Variants in C14orf132 observed in about 807,000 individuals in gnomAD.
C14orf132 encodes chromosome 14 open reading frame 132, also known as uncharacterized protein C14orf132.
A neutral mutation model predicts 5.8 loss-of-function variants in C14orf132; 6 were observed. The ratio of observed to expected loss-of-function variants is 1.03; its 90% CI spans 0.57 to 2.04. C14orf132 has a LOEUF of 2.04. Ranked by LOEUF, C14orf132 falls within the 30% of genes most tolerant of loss-of-function variation. The pLI, the probability that C14orf132 is intolerant of heterozygous loss-of-function variation, is 0.00. For synonymous variants in C14orf132, 51 were observed against 49.8 expected (o/e 1.02, Z -0.10); for missense variants, 125 against 115.8 (o/e 1.08, Z -0.37).
At chr14:96,077,924 G>A (rs1267267094) in intron 1 of C14orf132, among the ~76,000 whole-genome samples, 1 of 152,240 alleles carries the variant, frequency 6.6e-6, no homozygotes, top group Non-Finnish European at 1.5e-5. Flanking sequence ...GCAGTTTGGG[G>A]TGAGCCCAAA....
At chr14:96,073,604 C>T (rs900695444) in intron 1 of C14orf132, among the ~76,000 whole-genome samples, 1 of 152,166 alleles carries the variant, frequency 6.6e-6, no homozygotes, top group African/African-American at 2.4e-5. Flanking sequence ...ATTAGCTCAA[C>T]CGTTTTGGAA....
At chr14:96,084,428 T>C (rs907232845) in intron 1 of C14orf132, among the ~76,000 whole-genome samples, 1 of 152,130 alleles carries the variant, frequency 6.6e-6, no homozygotes, top group East Asian at 1.9e-4. Context: ...CCTTCTGTTG[T>C]GGACAGGTTG....
intron 1 of C14orf132, among the ~76,000 whole-genome samples, chr14:96,042,623 T>C (rs1221560261): frequency 6.6e-6 from 1 of 152,226 alleles, no homozygotes; most frequent in Non-Finnish European, 1.5e-5. Context: ...AAGCATTAAA[T>C]AGATATCCTC....
chr14:96,078,932 C>A (rs954045071), intron 1 of C14orf132, among the ~76,000 whole-genome samples: 1 of 152,252 alleles, frequency 6.6e-6, no homozygotes, highest in Non-Finnish European at 1.5e-5. Context: ...TGTGGGGCTT[C>A]AGCCCTCCCC....
At chr14:96,054,670 C>G (rs1645629364) in intron 1 of C14orf132, among the ~76,000 whole-genome samples, 1 of 152,204 alleles carries the variant, frequency 6.6e-6, no homozygotes. Flanking sequence ...GTATATCCCC[C>G]TCCGCATCAT....
intron 1 of C14orf132, among the ~76,000 whole-genome samples, chr14:96,059,931 C>G (rs949322182): frequency 2.0e-5 from 3 of 152,212 alleles, no homozygotes; most frequent in African/African-American, 7.2e-5. Flanking sequence ...GGCCTGGGCC[C>G]GAAATGCATC....
rs140094214 is a variant in C14orf132 at position 96,061,459 on chromosome 14, G to A, written c.27+21932G>A. 2.4e-3 allele frequency among the ~76,000 whole-genome samples: 372 copies of A among 152,264 alleles called. 5 individuals carry two copies. The highest frequency in any genetic ancestry group is 8.5e-3 in the African/African-American group (355 of 41,542). On this transcript the variant is annotated intron_variant, in intron 1 of 1. Transcript: ENST00000555004. ...ACTGTGTGTGTGACAAACAGCAAAC[G>A]TGGCTGCCTGGAGAGCCCACCACCA...
chr14:96,079,840 T>C (rs1358938657), intron 1 of C14orf132, among the ~76,000 whole-genome samples: 1 of 152,210 alleles, frequency 6.6e-6, no homozygotes, highest in East Asian at 1.9e-4. Context: ...TTGTACAAAT[T>C]CTGAAATTGC....
chr14:96,067,445 T>C (rs1421663356), intron 1 of C14orf132, among the ~76,000 whole-genome samples: 1 of 151,908 alleles, frequency 6.6e-6, no homozygotes, highest in African/African-American at 2.4e-5. Context: ...CTCTAAAAAT[T>C]AGTGTGCACT....
Position 96,073,829 on chromosome 14 carries a change from C to T in C14orf132, c.28-12682C>T, listed in dbSNP as rs146358677. Among the ~76,000 whole-genome samples the T allele has an allele frequency of 2.3e-3, 357 of 152,270 alleles. 6 individuals carry two copies. The East Asian group carries it at 0.038, about 16-fold the overall frequency. On this transcript the variant is annotated intron_variant, in intron 1 of 1. Coordinates refer to ENST00000555004, the MANE Select transcript of C14orf132 (RefSeq NM_001252507.3). The stretch of plus-strand genomic sequence containing the variant: ...ATAGACTGGATAAAAAAATGTGGTA[C>T]ATATATGCCATGGAATACTACACAG...
intron 1 of C14orf132, among the ~76,000 whole-genome samples, chr14:96,049,281 T>C (rs1050567821): frequency 6.6e-6 from 1 of 152,048 alleles, no homozygotes; most frequent in Non-Finnish European, 1.5e-5. Flanking sequence ...AGAGCCTATT[T>C]TAAAATCCAA....
chr14:96,079,099 C>T (rs755850199), intron 1 of C14orf132, among the ~76,000 whole-genome samples: 7 of 152,212 alleles, frequency 4.6e-5, no homozygotes, highest in African/African-American at 1.4e-4. Context: ...CACCTTGAGA[C>T]AGCAGGTCCA....
chr14:96,075,325 T>C (rs557492789), intron 1 of C14orf132, among the ~76,000 whole-genome samples: 2 of 152,332 alleles, frequency 1.3e-5, no homozygotes, highest in South Asian at 4.1e-4. Context: ...ATTTTCTGTA[T>C]AGACAATCAT....
rs551755828 is a variant in C14orf132, at chr14:96,062,293, G to A, written c.27+22766G>A. 2.0e-5 allele frequency among the ~76,000 whole-genome samples: 3 copies of A among 152,324 alleles called. No individual in the cohort carries two copies. In the South Asian group the frequency reaches 6.2e-4, roughly 32 times the overall value. On this transcript the variant is annotated intron_variant, in intron 1 of 1. Transcript: ENST00000555004. ...ATGGGCTTGGAGTGAAGGACTGGAT[G>A]TGTGGCTATGCTACCAGAGAGAGAG...
intron 1 of C14orf132, among the ~76,000 whole-genome samples, chr14:96,049,451 C>T (rs1002008350): frequency 4.1e-5 from 6 of 147,872 alleles, no homozygotes; most frequent in Non-Finnish European, 7.4e-5. Flanking sequence ...CACCATTCTC[C>T]TGCCTCAGCT....
At chr14:96,072,969 G>A (rs957345399) in intron 1 of C14orf132, among the ~76,000 whole-genome samples, 6 of 152,196 alleles carry the variant, frequency 3.9e-5, no homozygotes, top group Admixed American at 3.9e-4. Context: ...GTGAACACCA[G>A]TTTTTATTCC....
At chr14:96,072,349 G>A (rs1887738182) in intron 1 of C14orf132, among the ~76,000 whole-genome samples, 1 of 152,222 alleles carries the variant, frequency 6.6e-6, no homozygotes. Flanking sequence ...GACCCTGGGT[G>A]CTTGGGCCTC....
At position 96,091,102 on chromosome 14, in the gene C14orf132, C is replaced by T; in HGVS notation, c.*4367C>T. 1 of 434,122 alleles carries T rather than the reference C, an allele frequency of 2.3e-6. No homozygotes were observed. Among genetic ancestry groups the T allele is most frequent in the South Asian group, 1.7e-5 (1 of 58,776 alleles). The allele number at this position is 434,122 out of a possible 1,614,324, so 26.9% of individuals were successfully genotyped here. A position where few individuals can be genotyped will look rare whatever the true frequency, so the allele number is the denominator to read the frequency against. On this transcript the variant is annotated 3_prime_UTR_variant, in exon 2 of 2. Coordinates refer to ENST00000555004, the MANE Select transcript of C14orf132 (RefSeq NM_001252507.3). ...ATTTTTCTGTGGAGAAAACTGAGGC[C>T]AGGGCTGAACGCTCACAGCTAAGGA... is the stretch of plus-strand genomic sequence containing the variant.
At position 96,069,256 on chromosome 14, in the gene C14orf132, C is replaced by CAT. The variant is rs55648129; in HGVS notation, c.28-17206_28-17205dup. ...ATATGTTATTGGTTCTGTTTATGTT[C>CAT]ATATATATATATATATATATATATA... On this transcript the variant is annotated intron_variant, in intron 1 of 1. Coordinates refer to ENST00000555004, the MANE Select transcript of C14orf132 (RefSeq NM_001252507.3). 2.0e-3 allele frequency among the ~76,000 whole-genome samples: 191 copies of CAT among 94,946 alleles called. 2 individuals are homozygous for CAT. The highest frequency in any genetic ancestry group is 2.7e-3 in the Non-Finnish European group (123 of 45,746). 62.3% of individuals were successfully genotyped at this position (94,946 alleles called of 152,430 possible). A position where few individuals can be genotyped will look rare whatever the true frequency, so the allele number is the denominator to read the frequency against.
Sources: allele counts gnomAD v4.1 joint callset (sites outside exome capture counted in the v4.1 genomes callset), GRCh38; gene constraint gnomAD v4.1.1; transcripts MANE v1.5; gene names NCBI Gene and HGNC (gene_info 2026-07-23, HGNC 2026-07-21).